Variants in HIP1 observed in about 807,000 individuals in gnomAD.
The protein encoded by HIP1 is huntingtin interacting protein 1.
A neutral mutation model predicts 147.6 loss-of-function variants in HIP1; 65 were observed. That is an observed-to-expected ratio of 0.44 (90% CI 0.36 to 0.54). HIP1 has a LOEUF of 0.54. Ranked by LOEUF, HIP1 falls within the 20% of genes least tolerant of loss-of-function variation. The probability of loss-of-function intolerance (pLI) is 0.00; values close to 1 mark genes in which losing one functional copy is unlikely to be tolerated. For missense variants in HIP1, 1,061 were observed against 1,299.6 expected (o/e 0.82, Z 2.82); for synonymous variants, 479 against 504.0 (o/e 0.95, Z 0.67).
chr7:75,564,856 C>T (rs1468651564), intron 9 of HIP1, among the ~76,000 whole-genome samples: 2 of 152,236 alleles, frequency 1.3e-5, no homozygotes, highest in Middle Eastern at 3.4e-3. Flanking sequence ...CCTTGGCCTT[C>T]CAAAGTGCTG....
intron 1 of HIP1, among the ~76,000 whole-genome samples, chr7:75,656,184 AT>A (rs199766499): frequency 4.6e-5 from 7 of 151,248 alleles, no homozygotes; most frequent in East Asian, 1.9e-4. Context: ...ATTTTACCCC[AT>A]TTTTTTTTAA....
chr7:75,643,845 C>T (rs1476574245), intron 1 of HIP1, among the ~76,000 whole-genome samples: 2 of 151,996 alleles, frequency 1.3e-5, no homozygotes, highest in Non-Finnish European at 2.9e-5. Context: ...ACTAAAAATA[C>T]AAAAATTAGC....
rs189058481 is a variant in HIP1 at position 75,575,879 on chromosome 7, C to T, written c.605-1978G>A. On this transcript the variant is annotated intron_variant, in intron 7 of 30. Coordinates refer to ENST00000336926, the MANE Select transcript of HIP1 (RefSeq NM_005338.7). ...CTGCCTGTATTCCGCTTCCCGACTG[C>T]ACTAATCCCTGGTAACTGGGTTAGT... is the stretch of plus-strand genomic sequence containing the variant. Among the ~76,000 whole-genome samples, 643 of 151,922 alleles carry T rather than the reference C, an allele frequency of 4.2e-3. 20 individuals are homozygous for T. Among genetic ancestry groups the T allele is most frequent in the Admixed American group, 0.038 (583 of 15,238 alleles).
chr7:75,668,787 A>AT (rs1367850534), intron 1 of HIP1, among the ~76,000 whole-genome samples: 1 of 152,224 alleles, frequency 6.6e-6, no homozygotes, highest in South Asian at 2.1e-4. Context: ...AGAATAATAC[A>AT]TTTTTTTAAA....
chr7:75,557,086 T>A (rs1554493544), intron 16 of HIP1, among the ~76,000 whole-genome samples: 1 of 151,902 alleles, frequency 6.6e-6, no homozygotes, highest in African/African-American at 2.4e-5. Flanking sequence ...TTGCCCAGGC[T>A]GGAGTGCAGT....
At chr7:75,657,358 T>C (rs1237666398) in intron 1 of HIP1, among the ~76,000 whole-genome samples, 2 of 151,956 alleles carry the variant, frequency 1.3e-5, no homozygotes, top group Admixed American at 6.6e-5. Context: ...TGTGAAACCC[T>C]GTCTCTACTA....
At chr7:75,664,433 T>C (rs1799482839) in intron 1 of HIP1, among the ~76,000 whole-genome samples, 1 of 115,906 alleles carries the variant, frequency 8.6e-6, no homozygotes, top group Non-Finnish European at 1.8e-5. Flanking sequence ...TGTGTATACA[T>C]ATACATACAT....
chr7:75,555,301 C>T, intron 19 of HIP1, 115 bp downstream of exon 19: 1 of 1,255,464 alleles, frequency 8.0e-7, no homozygotes, highest in Non-Finnish European at 1.1e-6. Context: ...TAAGGTAATG[C>T]TGACATGCTG....
chr7:75,547,680 A>AGTAT, intron 24 of HIP1, 75 bp downstream of exon 24: 1 of 1,232,562 alleles, frequency 8.1e-7, no homozygotes, highest in East Asian at 2.3e-5. Context: ...TTCCCTAATA[A>AGTAT]GTATGCAAAG....
intron 1 of HIP1, among the ~76,000 whole-genome samples, chr7:75,663,064 AGATGTAACTACAAGAATTTACACT>A (rs1274819332): frequency 1.3e-5 from 2 of 152,192 alleles, no homozygotes; most frequent in Admixed American, 1.3e-4. Flanking sequence ...TGTGAGTTTC[AGATGTAACTACAAGAATTTACACT>A]TATCCTAATT....
intron 1 of HIP1, among the ~76,000 whole-genome samples, chr7:75,609,516 C>T: frequency 6.6e-6 from 1 of 152,076 alleles, no homozygotes; most frequent in East Asian, 1.9e-4. Context: ...TTTCCAAACC[C>T]TGACCTCCTT....
chr7:75,578,589 G>A (rs587613975), intron 7 of HIP1, among the ~76,000 whole-genome samples: 218 of 152,148 alleles, frequency 1.4e-3, no homozygotes, highest in Non-Finnish European at 1.7e-3. Context: ...GAGGTAGGAG[G>A]ATGGCTTGAG....
chr7:75,547,015 G>A lies in HIP1; in HGVS notation c.2483C>T (p.Thr828Ile). Residue 828 changes from threonine (T) to isoleucine (I), a missense_variant, in exon 25 of 31, where the codon ACC becomes ATC. By Grantham distance (89) the Thr-to-Ile change is moderately conservative. Coordinates refer to ENST00000336926, the MANE Select transcript of HIP1 (RefSeq NM_005338.7). ...EVNERILGCC[T>I]SLMQAIQVLI... Reference sequence around the variant, plus strand: ...CACCTGAATAGCTTGCATGAGGCTGGTACAGCAACCAAGGATCCTGCCAAA... The same window carrying A: ...CACCTGAATAGCTTGCATGAGGCTGATACAGCAACCAAGGATCCTGCCAAA... 6.3e-7 allele frequency: 1 copy of A among 1,584,352 alleles called. No homozygotes were observed. The highest frequency in any genetic ancestry group is 1.2e-5 in the South Asian group (1 of 86,646).
chr7:75,733,504 G>A (rs1413338448), intron 1 of HIP1: 2 of 152,074 alleles, frequency 1.3e-5, no homozygotes, highest in East Asian at 3.9e-4. Context: ...TGATGGATTG[G>A]GTGGGGAACA....
chr7:75,563,141 AC>A (rs782129764), intron 10 of HIP1, 46 bp downstream of exon 10: 1 of 1,613,662 alleles, frequency 6.2e-7, no homozygotes. Context: ...TTAAGAGAGT[AC>A]CTGGGGCCTC....
intron 1 of HIP1, among the ~76,000 whole-genome samples, chr7:75,663,338 C>T (rs1799376309): frequency 6.6e-6 from 1 of 152,084 alleles, no homozygotes; most frequent in African/African-American, 2.4e-5. Context: ...GTGGCGTACA[C>T]CTATAGTCCC....
chr7:75,706,623 ATTTT>A (rs71082342), intron 1 of HIP1, among the ~76,000 whole-genome samples: 3 of 103,610 alleles, frequency 2.9e-5, no homozygotes, highest in African/African-American at 3.9e-5. Flanking sequence ...TCAACTCGTC[ATTTT>A]TTTTTTTTTT....
At position 75,599,214 on chromosome 7, in the gene HIP1, C is replaced by G. The variant is rs782224108; in HGVS notation, c.154G>C (p.Glu52Gln). The G allele has an allele frequency of 2.5e-6, 4 of 1,613,534 alleles. No homozygotes were observed. Among genetic ancestry groups the G allele is most frequent in the Non-Finnish European group, 3.4e-6 (4 of 1,179,468 alleles). Residue 52 changes from glutamate to glutamine, a missense_variant, in exon 2 of 31, where the codon GAA (glutamate) becomes CAA (glutamine). By Grantham distance (29) the Glu-to-Gln change is conservative. Coordinates refer to ENST00000336926, the MANE Select transcript of HIP1 (RefSeq NM_005338.7). ...GCGTGTTTTTCCTTTACAGCCACTT[C>G]CTGCGTATTAATGGCCTTATTGATG... Reference protein sequence around the residue: ...VSINKAINTQEVAVKEKHART... With the variant: ...VSINKAINTQQVAVKEKHART...
chr7:75,580,492 C>T (rs1380534319), intron 7 of HIP1, among the ~76,000 whole-genome samples: 3 of 152,050 alleles, frequency 2.0e-5, no homozygotes, highest in African/African-American at 7.2e-5. Flanking sequence ...AATCCCAGAA[C>T]TTTGGGAGGC....
Sources: gnomAD v4.1 joint callset for allele counts (sites outside exome capture counted in the v4.1 genomes callset) on GRCh38, gnomAD v4.1.1 for gene constraint, MANE v1.5 for transcripts, NCBI Gene and HGNC (gene_info 2026-07-23, HGNC 2026-07-21) for gene names.